The following PHACTR3 variants were observed in gnomAD, a reference collection of about 807,000 sequenced individuals.
PHACTR3 encodes the protein phosphatase and actin regulator 3.
In PHACTR3, 16 loss-of-function variants were observed where a neutral mutation model predicts 66.8. That is an observed-to-expected ratio of 0.24 (90% confidence interval 0.16 to 0.36). The LOEUF (loss-of-function observed/expected upper bound fraction) is 0.36. PHACTR3 is among the 10% of genes least tolerant of loss of function. PHACTR3 has a pLI of 1.00. For synonymous variants in PHACTR3, 323 were observed against 292.1 expected (o/e 1.11, Z -1.08); for missense variants, 647 against 719.9 (o/e 0.90, Z 1.16).
rs1185771708 is a variant in PHACTR3 at position 59,820,601 on chromosome 20, TC to T, written c.1328+14410del. Reference sequence around the variant, plus strand: ...TGGCATGCAGGGTACAGGGAGTGGGTCCCGAGTCCCATCCTGTGCAGGGGAG... The same window carrying T: ...TGGCATGCAGGGTACAGGGAGTGGGTCCGAGTCCCATCCTGTGCAGGGGAG... On this transcript the variant is annotated intron_variant, in intron 8 of 12. Coordinates refer to ENST00000371015, the MANE Select transcript of PHACTR3 (RefSeq NM_080672.5). The surrounding 1 kb of genome is among the most constrained non-coding windows in gnomAD (Gnocchi z 4.6). Among the ~76,000 whole-genome samples, 1 of 152,064 alleles carries T rather than the reference TC, an allele frequency of 6.6e-6. No individual in the cohort carries two copies. The highest frequency in any genetic ancestry group is 2.4e-5 in the African/African-American group (1 of 41,402).
intron 1 of PHACTR3, among the ~76,000 whole-genome samples, chr20:59,622,200 G>A (rs2034268467): frequency 1.3e-5 from 2 of 151,888 alleles, no homozygotes; most frequent in South Asian, 4.2e-4. Context: ...GGCTGAAAGG[G>A]ACTCAGGGTC....
intron 4 of PHACTR3, among the ~76,000 whole-genome samples, chr20:59,760,079 G>A (rs2039944456): frequency 6.6e-6 from 1 of 152,062 alleles, no homozygotes; most frequent in South Asian, 2.1e-4. Flanking sequence ...CGGGGAGAGG[G>A]GTCATCAAAA....
At chr20:59,690,289 A>T (rs747743358) in intron 1 of PHACTR3, among the ~76,000 whole-genome samples, 46 of 152,168 alleles carry the variant, frequency 3.0e-4, no homozygotes, top group Non-Finnish European at 6.2e-4. Flanking sequence ...TCATCCTCTC[A>T]TCTTAGCCTC....
intron 5 of PHACTR3, among the ~76,000 whole-genome samples, chr20:59,768,369 A>G (rs1363221572): frequency 6.6e-6 from 1 of 152,238 alleles, no homozygotes; most frequent in African/African-American, 2.4e-5. Context: ...CTAACCAGTG[A>G]TTAACCACCA....
Position 59,738,896 on chromosome 20 carries a change from T to C in PHACTR3, c.119-4211T>C, listed in dbSNP as rs1370747015. On this transcript the variant is annotated intron_variant, in intron 1 of 12. Transcript: ENST00000371015. The surrounding 1 kb of genome is among the most constrained non-coding windows in gnomAD (Gnocchi z 4.4). The stretch of plus-strand genomic sequence containing the variant: ...TGGAGGCTTGGGGAGACCTAGCCCA[T>C]CCTTCCCCTCGTGCAAAGCATGCTC... 6.6e-6 allele frequency among the ~76,000 whole-genome samples: 1 copy of C among 152,124 alleles called. No individual in the cohort carries two copies. Among genetic ancestry groups the C allele is most frequent in the Non-Finnish European group, 1.5e-5 (1 of 68,010 alleles).
intron 7 of PHACTR3, among the ~76,000 whole-genome samples, chr20:59,779,059 C>A (rs2040634629): frequency 6.6e-6 from 1 of 152,172 alleles, no homozygotes; most frequent in African/African-American, 2.4e-5. Flanking sequence ...GGGCCAAGGT[C>A]AGGATTCCTG....
At chr20:59,760,073 G>C (rs1378562540) in intron 4 of PHACTR3, among the ~76,000 whole-genome samples, 1 of 152,124 alleles carries the variant, frequency 6.6e-6, no homozygotes, top group Non-Finnish European at 1.5e-5. Context: ...GGGGGTCGGG[G>C]AGAGGGGTCA....
intron 1 of PHACTR3, among the ~76,000 whole-genome samples, chr20:59,702,632 C>T (rs2037547962): frequency 1.3e-5 from 2 of 152,206 alleles, no homozygotes; most frequent in Admixed American, 1.3e-4. Context: ...AGGGAGGGAC[C>T]ACATCTGGCT....
intron 7 of PHACTR3, among the ~76,000 whole-genome samples, chr20:59,782,850 G>T (rs1476965696): frequency 6.6e-6 from 1 of 152,130 alleles, no homozygotes. Context: ...AATGTGTGAC[G>T]CCAAGAATGT....
chr20:59,798,153 G>A (rs1047924607), intron 7 of PHACTR3, among the ~76,000 whole-genome samples: 1 of 152,120 alleles, frequency 6.6e-6, no homozygotes, highest in African/African-American at 2.4e-5. Context: ...CTTCATAGGT[G>A]GCACCATCTA....
At chr20:59,713,801 G>T (rs2037991418) in intron 1 of PHACTR3, among the ~76,000 whole-genome samples, 1 of 150,516 alleles carries the variant, frequency 6.6e-6, no homozygotes, top group Admixed American at 6.6e-5. Context: ...GCTTGCATAT[G>T]TTTGGCATTA....
At chr20:59,765,795 T>C (rs896274203) in intron 4 of PHACTR3, among the ~76,000 whole-genome samples, 1 of 152,182 alleles carries the variant, frequency 6.6e-6, no homozygotes, top group Admixed American at 6.5e-5. Context: ...AAACAGCAGC[T>C]GATAGATGAA....
At chr20:59,698,431 T>TA (rs1000503587) in intron 1 of PHACTR3, among the ~76,000 whole-genome samples, 2,835 of 146,838 alleles carry the variant, frequency 0.019, 62 homozygotes, top group African/African-American at 0.058. Flanking sequence ...TGTTGAATGA[T>TA]AAAAAAAAAA....
At chr20:59,593,110 C>T (rs2146314912) in intron 1 of PHACTR3, among the ~76,000 whole-genome samples, 1 of 152,354 alleles carries the variant, frequency 6.6e-6, no homozygotes. Flanking sequence ...TTTGCATTCT[C>T]AGCAGCAGTG....
intron 1 of PHACTR3, among the ~76,000 whole-genome samples, chr20:59,591,861 T>C (rs1600875078): frequency 1.3e-5 from 2 of 151,970 alleles, no homozygotes; most frequent in East Asian, 3.9e-4. Flanking sequence ...GGTAAAAATA[T>C]AAAGAATACA....
chr20:59,611,452 G>C (rs1417560274), intron 1 of PHACTR3, among the ~76,000 whole-genome samples: 1 of 152,248 alleles, frequency 6.6e-6, no homozygotes, highest in Non-Finnish European at 1.5e-5. Context: ...TCTGAGTTCT[G>C]TGAAATGTGA....
intron 1 of PHACTR3, among the ~76,000 whole-genome samples, chr20:59,739,894 G>T (rs1323769477): frequency 2.0e-5 from 3 of 152,018 alleles, no homozygotes; most frequent in Non-Finnish European, 4.4e-5. Context: ...GGCCTCTGGA[G>T]TCAGGGTGCT....
chr20:59,814,764 C>CT (rs1471251478), intron 8 of PHACTR3, among the ~76,000 whole-genome samples: 1 of 152,150 alleles, frequency 6.6e-6, no homozygotes, highest in Non-Finnish European at 1.5e-5. Context: ...CCCTATCTGT[C>CT]TCTCGGGAAT....
At chr20:59,767,519 C>T (rs1407363410) in intron 5 of PHACTR3, 124 bp downstream of exon 5, 12 of 1,154,992 alleles carry the variant, frequency 1.0e-5, no homozygotes, top group Admixed American at 2.1e-5. Flanking sequence ...TCCATCCATC[C>T]ATACCTTCAA....
Sources: allele counts gnomAD v4.1 joint callset (sites outside exome capture counted in the v4.1 genomes callset), GRCh38; gene constraint gnomAD v4.1.1; non-coding constraint Gnocchi (gnomAD v3.1); transcripts MANE v1.5; gene names NCBI Gene and HGNC (gene_info 2026-07-23, HGNC 2026-07-21).